The following SMG1 variants were observed in gnomAD, a reference collection of about 807,000 sequenced individuals.
SMG1 encodes the protein serine/threonine-protein kinase SMG1.
A neutral mutation model predicts 419.9 loss-of-function variants in SMG1; 22 were observed. That is an observed-to-expected ratio of 0.05 (90% CI 0.04 to 0.07). SMG1 has a LOEUF of 0.07. SMG1 is among the 10% of genes least tolerant of loss of function. SMG1 has a pLI of 1.00. For missense variants in SMG1, 3,185 were observed against 4,342.0 expected (o/e 0.73, Z 7.49); for synonymous variants, 1,538 against 1,553.5 (o/e 0.99, Z 0.23).
chr16:18,829,786 T>C, intron 53 of SMG1, 31 bp from the exon 54 acceptor site: 2 of 1,560,528 alleles, frequency 1.3e-6, no homozygotes, highest in South Asian at 1.2e-5. Flanking sequence ...TTGTATTTCA[T>C]GAAAAAAATC....
intron 5 of SMG1, 59 bp downstream of exon 5, chr16:18,890,804 A>G (rs2036843262): frequency 1.1e-6 from 1 of 921,484 alleles, no homozygotes; most frequent in Non-Finnish European, 1.8e-6. Context: ...TGTATTGTTA[A>G]GTAATTTCTA....
rs1257408744 is a variant in SMG1 at position 18,892,327 on chromosome 16, G to A, written c.440C>T (p.Ser147Phe). ...CCTCCGAAGAAGATTCGACAGTCGA[G>A]ACTCATCAGAATAAGACATCGATCT... Reference protein sequence around the residue: ...QERSMSYSDESRLSNLLRRIT... With the variant: ...QERSMSYSDEFRLSNLLRRIT... The change falls in exon 4 of 63, where the codon TCT (serine) becomes TTT (phenylalanine). Residue 147 changes from serine (S) to phenylalanine (F), a missense_variant. Physicochemically the swap from Ser to Phe is radical, Grantham distance 155. This residue lies in a region of SMG1 where 23 missense variants were observed against 20.5 expected (regional missense o/e 1.12). Coordinates refer to ENST00000446231, the MANE Select transcript of SMG1 (RefSeq NM_015092.5). The A allele has an allele frequency of 6.5e-7, 1 of 1,549,556 alleles. No homozygotes were observed.
In SMG1 at chr16:18,887,143, T is replaced by G. The variant is rs140186517; in HGVS notation, c.823-1477A>C. Among the ~76,000 whole-genome samples, 1,020 of 152,318 alleles carry G rather than the reference T, an allele frequency of 6.7e-3. 9 individuals are homozygous for G. The highest frequency in any genetic ancestry group is 0.022 in the African/African-American group (904 of 41,556). On this transcript the variant is annotated intron_variant, in intron 6 of 62. Transcript: ENST00000446231. The stretch of plus-strand genomic sequence containing the variant: ...GTAAATCTAGGTGAAGCATATATTA[T>G]GAAATTATTATCATATTTACAGGTA...
At position 18,817,368 on chromosome 16, in the gene SMG1, A is replaced by G; in HGVS notation, c.9997T>C (p.Cys3333Arg). Residue 3333 changes from cysteine (C) to arginine (R), a missense_variant, in exon 57 of 63, where the codon TGT becomes CGT. Physicochemically the swap from Cys to Arg is radical, Grantham distance 180 (BLOSUM62 -3). Coordinates refer to ENST00000446231, the MANE Select transcript of SMG1 (RefSeq NM_015092.5). ...DAALFELIKRCQQMCSFASQF... is the reference protein window; with the variant it reads ...DAALFELIKRRQQMCSFASQF... ...GATGCAAACGAACACATCTGCTGAC[A>G]TCGCTTGATTAGTTCAAATAACGCC... The G allele has an allele frequency of 1.9e-6, 3 of 1,611,860 alleles. No homozygotes were observed. Among genetic ancestry groups the G allele is most frequent in the Non-Finnish European group, 2.5e-6 (3 of 1,178,938 alleles).
chr16:18,888,175 A>AG (rs1478556468), intron 6 of SMG1, among the ~76,000 whole-genome samples: 2 of 148,174 alleles, frequency 1.3e-5, no homozygotes, highest in East Asian at 3.9e-4. Flanking sequence ...AAAAAAAAAA[A>AG]AAAAAAAAAA....
chr16:18,881,858 C>T (rs1011681388), intron 10 of SMG1, among the ~76,000 whole-genome samples: 1 of 151,606 alleles, frequency 6.6e-6, no homozygotes, highest in Non-Finnish European at 1.5e-5. Flanking sequence ...AAAAGGAAAC[C>T]CAATAATTTA....
intron 3 of SMG1, among the ~76,000 whole-genome samples, chr16:18,893,875 G>A (rs1438511402): frequency 1.3e-5 from 2 of 151,946 alleles, no homozygotes; most frequent in African/African-American, 2.4e-5. Flanking sequence ...GGCCAACGTG[G>A]TGGAACTTCG....
chr16:18,856,325 G>A (rs1051220770), intron 29 of SMG1: 1 of 125,902 alleles, frequency 7.9e-6, no homozygotes, highest in Non-Finnish European at 1.6e-5. Context: ...ACCACACCCA[G>A]GTGATTTTTT....
At chr16:18,878,566 C>G (rs548613460) in intron 11 of SMG1, 1 of 149,704 alleles carries the variant, frequency 6.7e-6, no homozygotes, top group Non-Finnish European at 1.5e-5. Context: ...CTGATTGTAC[C>G]GCTGCACTCC....
rs1294017524 is a variant in SMG1, at chr16:18,885,157, T to C, written c.954A>G (p.Thr318=). The part of the protein sequence containing the change: ...PHIFSTNFRD[T]VDILVGWHID... ...TATGCCATCCAACTAATATATCAAC[T>C]GTATCCTTGATGGAAACAAAGAGAG... The change falls in exon 8 of 63, where the codon ACA becomes ACG. Residue 318 remains threonine (T), a synonymous_variant. Coordinates refer to ENST00000446231, the MANE Select transcript of SMG1 (RefSeq NM_015092.5). 31 of 921,374 alleles carry C rather than the reference T, an allele frequency of 3.4e-5. No homozygotes were observed. Among genetic ancestry groups the C allele is most frequent in the Non-Finnish European group, 5.2e-5 (31 of 599,984 alleles). 57.1% of individuals were successfully genotyped at this position (921,374 alleles called of 1,614,324 possible).
At chr16:18,921,284 TGCAGTGA>T (rs2038190621) in intron 1 of SMG1, among the ~76,000 whole-genome samples, 1 of 151,718 alleles carries the variant, frequency 6.6e-6, no homozygotes, top group Admixed American at 6.6e-5. Flanking sequence ...AAGTCAAGGC[TGCAGTGA>T]GCAGTGATTG....
rs549438363 is a variant in SMG1 at position 18,925,787 on chromosome 16, C to A, written c.92+163G>T. The A allele has an allele frequency of 1.7e-4, 85 of 504,994 alleles. No individual in the cohort carries two copies. The South Asian group carries it at 2.5e-3, about 15-fold the overall frequency. The allele number at this position is 504,994 out of a possible 1,614,324, so 31.3% of individuals were successfully genotyped here. On this transcript the variant is annotated intron_variant, in intron 1 of 62. Coordinates refer to ENST00000446231, the MANE Select transcript of SMG1 (RefSeq NM_015092.5). ...GAGGCACTTAGGCCTCGCCTCCCCGCGGCCTTCCTCCCCCAGCCGGGGCGG... is the reference window on the plus strand; with the variant it reads ...GAGGCACTTAGGCCTCGCCTCCCCGAGGCCTTCCTCCCCCAGCCGGGGCGG...
chr16:18,882,743 C>T (rs1406729223), intron 9 of SMG1, among the ~76,000 whole-genome samples: 1 of 152,084 alleles, frequency 6.6e-6, no homozygotes, highest in Non-Finnish European at 1.5e-5. Context: ...GTCCTCCAAA[C>T]CAAGAGCATG....
At position 18,838,389 on chromosome 16, in the gene SMG1, C is replaced by A. The variant is rs1299948631; in HGVS notation, c.7162G>T (p.Val2388Leu). 14 of 1,612,572 alleles carry A rather than the reference C, an allele frequency of 8.7e-6. No homozygotes were observed. Among genetic ancestry groups the A allele is most frequent in the Non-Finnish European group, 1.2e-5 (14 of 1,179,294 alleles). ...NIETALGVTG[V>L]EGVFRLSCEQ... ...CATGAAAGCCTAAATACACCTTCTA[C>A]TCCAGTTACACCCAGTGCTGTTTCA... Residue 2388 changes from valine (V) to leucine (L), a missense_variant, in exon 44 of 63, where the codon GTA becomes TTA. By Grantham distance (32) the Val-to-Leu change is conservative. This residue lies in a region of SMG1 where 60 missense variants were observed against 133.9 expected (regional missense o/e 0.45). Transcript: ENST00000446231.
chr16:18,809,962 T>C (rs994626431), intron 62 of SMG1, among the ~76,000 whole-genome samples: 1 of 151,530 alleles, frequency 6.6e-6, no homozygotes, highest in Non-Finnish European at 1.5e-5. Flanking sequence ...TTTGACAAAC[T>C]TGACAAAACG....
chr16:18,907,109 C>A (rs887457854), intron 1 of SMG1, among the ~76,000 whole-genome samples: 1 of 152,024 alleles, frequency 6.6e-6, no homozygotes, highest in Non-Finnish European at 1.5e-5. Flanking sequence ...TATGACGAAA[C>A]CCCGTCTATG....
chr16:18,913,891 C>G (rs1432711019), intron 1 of SMG1, among the ~76,000 whole-genome samples: 1 of 152,078 alleles, frequency 6.6e-6, no homozygotes, highest in South Asian at 2.1e-4. Flanking sequence ...TGAGGCTGGG[C>G]GAGGTGGTTT....
chr16:18,828,145 G>C lies in SMG1; in HGVS notation c.9627C>G (p.Ile3209Met). Reference sequence around the variant, plus strand: ...TGACTGACATGGCTTGTGGTCTATTGATAAGTAGATCTTCATGTTGCCACT... The same window carrying C: ...TGACTGACATGGCTTGTGGTCTATTCATAAGTAGATCTTCATGTTGCCACT... ...MFQWQHEDLL[I>M]NRPQAMSVTP... The change falls in exon 55 of 63, where the codon ATC becomes ATG. Residue 3209 changes from isoleucine (I) to methionine (M), a missense_variant. Transcript: ENST00000446231. The C allele has an allele frequency of 1.2e-6, 2 of 1,613,232 alleles. No individual in the cohort carries two copies. Among genetic ancestry groups the C allele is most frequent in the Non-Finnish European group, 1.7e-6 (2 of 1,179,514 alleles).
At chr16:18,846,162 C>T (rs2650617) in intron 38 of SMG1, among the ~76,000 whole-genome samples, 13,515 of 152,016 alleles carry the variant, frequency 0.089, 740 homozygotes, top group African/African-American at 0.16. Flanking sequence ...AGAGGCAGCT[C>T]CTCTTTTCAA....
Sources: gnomAD v4.1 joint callset for allele counts (sites outside exome capture counted in the v4.1 genomes callset) on GRCh38, gnomAD v4.1.1 for gene constraint, gnomAD v4.1.1 regional missense constraint, MANE v1.5 for transcripts, NCBI Gene and HGNC (gene_info 2026-07-23, HGNC 2026-07-21) for gene names.